Variants in RECQL observed in about 807,000 individuals in gnomAD.
The protein encoded by RECQL is ATP-dependent DNA helicase Q1.
A neutral mutation model predicts 75.8 loss-of-function variants in RECQL; 73 were observed. The observed-to-expected ratio is 0.96, with a 90% CI of 0.80 to 1.17. The LOEUF (loss-of-function observed/expected upper bound fraction) is 1.17, where lower values mean the gene tolerates loss of function less well. Among genes scored for constraint, RECQL ranks in the 50% most tolerant of loss-of-function variants. The pLI is 0.00. For missense variants in RECQL, 699 were observed against 772.1 expected, an observed-to-expected ratio of 0.91 and a Z score of 1.12; for synonymous variants, 248 against 254.4, an observed-to-expected ratio of 0.97 and a Z score of 0.24.
At chr12:21,488,213 A>G (rs973947934) in intron 4 of RECQL, among the ~76,000 whole-genome samples, 1 of 152,182 alleles carries the variant, frequency 6.6e-6, no homozygotes, top group Non-Finnish European at 1.5e-5. Context: ...CGTATTTGAC[A>G]TTTTGCTAAC....
At position 21,470,166 on chromosome 12, in the gene RECQL, T is replaced by A. The variant is rs371190834; in HGVS notation, c.*28A>T. On this transcript the variant is annotated 3_prime_UTR_variant, in exon 15 of 15. Transcript: ENST00000444129. ...TGGCATATACATGCATAAACCATCT[T>A]TAATTAGAAAATTTAGTAACATTCA... The A allele has an allele frequency of 6.2e-7, 1 of 1,608,632 alleles. No homozygotes were observed. The highest frequency in any genetic ancestry group is 8.5e-7 in the Non-Finnish European group (1 of 1,177,386).
chr12:21,474,753 A>G (rs1362990382), intron 11 of RECQL, 88 bp downstream of exon 11: 74 of 1,285,926 alleles, frequency 5.8e-5, no homozygotes, highest in Non-Finnish European at 3.3e-6. Context: ...GTGTTCCACC[A>G]ATGTATTTAG....
At position 21,471,581 on chromosome 12, in the gene RECQL, TCC is replaced by T. The variant is rs746486911; in HGVS notation, c.1512_1513del (p.Glu505ThrfsTer3). 2 of 1,612,846 alleles carry T rather than the reference TCC, an allele frequency of 1.2e-6. No individual in the cohort carries two copies. Among genetic ancestry groups the T allele is most frequent in the Admixed American group, 3.3e-5 (2 of 59,890 alleles). On this transcript the variant is annotated frameshift_variant, in exon 13 of 15. Transcript: ENST00000444129. LOFTEE classifies it high-confidence loss of function. Reference sequence around the variant, plus strand: ...CAATGGAGTGAGTTTTTCATTCAGTTCCTCTGCCTGCTTCAGGATCTTGATTA... The same window carrying T: ...CAATGGAGTGAGTTTTTCATTCAGTTTCTGCCTGCTTCAGGATCTTGATTA...
chr12:21,485,606 T>C (rs933416261), intron 5 of RECQL, among the ~76,000 whole-genome samples: 1 of 152,096 alleles, frequency 6.6e-6, no homozygotes, highest in African/African-American at 2.4e-5. Flanking sequence ...TCTAAAGAAT[T>C]GATTAAACTT....
In RECQL at chr12:21,494,385, G is replaced by A. The variant is rs186346526; in HGVS notation, c.17-2669C>T. 3.3e-3 allele frequency among the ~76,000 whole-genome samples: 505 copies of A among 152,262 alleles called. 1 individual carries two copies. Among genetic ancestry groups the A allele is most frequent in the African/African-American group, 0.012 (479 of 41,544 alleles). On this transcript the variant is annotated intron_variant, in intron 2 of 14. Transcript: ENST00000444129. ...ATGTATATGGGAATAGATCATAAAGGTACTGAAACAGGGTTTATGGAATAC... is the reference window on the plus strand; with the variant it reads ...ATGTATATGGGAATAGATCATAAAGATACTGAAACAGGGTTTATGGAATAC...
chr12:21,482,884 C>G (rs1943218425), intron 6 of RECQL, among the ~76,000 whole-genome samples: 1 of 152,084 alleles, frequency 6.6e-6, no homozygotes, highest in African/African-American at 2.4e-5. Flanking sequence ...AGAAAAAGGT[C>G]ACTAAAAATA....
At chr12:21,475,394 C>A in intron 10 of RECQL, 74 bp downstream of exon 10, 1 of 899,630 alleles carries the variant, frequency 1.1e-6, no homozygotes, top group Non-Finnish European at 1.8e-6. Flanking sequence ...AACATACAGA[C>A]TTATTAAGCA....
intron 11 of RECQL, among the ~76,000 whole-genome samples, 165 bp downstream of exon 11, chr12:21,474,676 G>A (rs566321542): frequency 7.9e-5 from 12 of 152,164 alleles, no homozygotes; most frequent in Non-Finnish European, 1.3e-4. Flanking sequence ...TTGAACTAAG[G>A]CAGATCATAC....
intron 2 of RECQL, among the ~76,000 whole-genome samples, chr12:21,494,181 T>C (rs867495691): frequency 2.0e-5 from 3 of 151,966 alleles, no homozygotes; most frequent in Non-Finnish European, 4.4e-5. Flanking sequence ...CCAGCTCTCA[T>C]GTGAACTAAC....
intron 8 of RECQL, 108 bp downstream of exon 8, chr12:21,476,803 A>C (rs1353742524): frequency 5.4e-6 from 3 of 553,628 alleles, no homozygotes; most frequent in Non-Finnish European, 9.1e-6. Context: ...TCTGCTATAC[A>C]TTAATTTTTT....
chr12:21,470,177 A>G lies in RECQL; in HGVS notation c.*17T>C. The G allele has an allele frequency of 6.2e-7, 1 of 1,609,940 alleles. No individual in the cohort carries two copies. The highest frequency in any genetic ancestry group is 8.5e-7 in the Non-Finnish European group (1 of 1,177,916). On this transcript the variant is annotated 3_prime_UTR_variant, in exon 15 of 15. Coordinates refer to ENST00000444129, the MANE Select transcript of RECQL (RefSeq NM_002907.4). ...TGCATAAACCATCTTTAATTAGAAA[A>G]TTTAGTAACATTCATATCAGGCATC...
chr12:21,482,267 G>GAA (rs11451473), intron 6 of RECQL, among the ~76,000 whole-genome samples: 29,978 of 146,380 alleles, frequency 0.2, 3,599 homozygotes, highest in South Asian at 0.29. Context: ...CTTAACAAAA[G>GAA]AAAAAAAAAA....
chr12:21,489,533 T>G (rs1943369006), intron 4 of RECQL, among the ~76,000 whole-genome samples: 1 of 152,226 alleles, frequency 6.6e-6, no homozygotes, highest in Admixed American at 6.5e-5. Context: ...CTATGAGTTC[T>G]GTGAAAACTA....
At chr12:21,497,472 C>T (rs1943528977) in intron 2 of RECQL, among the ~76,000 whole-genome samples, 1 of 152,124 alleles carries the variant, frequency 6.6e-6, no homozygotes, top group African/African-American at 2.4e-5. Flanking sequence ...GTAAGCAGTC[C>T]ACATAGTTAT....
At position 21,490,261 on chromosome 12, in the gene RECQL, A is replaced by T; in HGVS notation, c.332T>A (p.Leu111His). The change falls in exon 4 of 15, where the codon CTT becomes CAT. Residue 111 changes from leucine (L) to histidine (H), a missense_variant. Physicochemically the swap from Leu to His is moderately conservative, Grantham distance 99. Coordinates refer to ENST00000444129, the MANE Select transcript of RECQL (RefSeq NM_002907.4). ...NVTMAGKEVF[L>H]VMPTGGGKSL... ...CTTTCCACCTCCTGTAGGCATAACA[A>T]GAAATACCTCCTTTCCAGCCATTGT... 6.2e-7 allele frequency: 1 copy of T among 1,613,232 alleles called. No individual in the cohort carries two copies. Among genetic ancestry groups the T allele is most frequent in the Non-Finnish European group, 8.5e-7 (1 of 1,179,326 alleles).
intron 5 of RECQL, among the ~76,000 whole-genome samples, chr12:21,485,159 T>C (rs1459494143): frequency 6.9e-6 from 1 of 144,418 alleles, no homozygotes; most frequent in Non-Finnish European, 1.5e-5. Context: ...CACAAAAAGA[T>C]AACCAGGTAC....
At chr12:21,478,020 A>G in intron 6 of RECQL, 51 bp from the exon 7 acceptor site, 1 of 1,516,846 alleles carries the variant, frequency 6.6e-7, no homozygotes, top group Non-Finnish European at 8.9e-7. Flanking sequence ...GAGTTAGAGT[A>G]AATTATATCT....
intron 11 of RECQL, 92 bp from the exon 12 acceptor site, chr12:21,473,734 G>C: frequency 2.0e-6 from 2 of 998,764 alleles, no homozygotes; most frequent in Non-Finnish European, 3.0e-6. Flanking sequence ...TACTGTATTA[G>C]CTTCCTATAA....
chr12:21,499,515 A>T, intron 2 of RECQL, 40 bp downstream of exon 2: 1 of 1,511,526 alleles, frequency 6.6e-7, no homozygotes, highest in Non-Finnish European at 9.0e-7. Flanking sequence ...AAACAGAAAT[A>T]GAACAGAAGG....
Sources: allele counts gnomAD v4.1 joint callset (sites outside exome capture counted in the v4.1 genomes callset), GRCh38; gene constraint gnomAD v4.1.1; transcripts MANE v1.5; gene names NCBI Gene and HGNC (gene_info 2026-07-23, HGNC 2026-07-21).